The following FBXO16 variants were observed in gnomAD, a reference collection of about 807,000 sequenced individuals.
The protein encoded by FBXO16 is F-box protein 16, also known as F-box only protein 16.
FBXO16 carries 31 observed loss-of-function variants against 41.0 expected under a neutral mutation model. The observed-to-expected ratio is 0.76, with a 90% confidence interval of 0.57 to 1.02. The LOEUF is 1.02. FBXO16 is among the 50% of genes least tolerant of loss of function. FBXO16 has a pLI of 0.00. For synonymous variants in FBXO16, 133 were observed against 117.8 expected (o/e 1.13, Z -0.84); for missense variants, 361 against 346.2 (o/e 1.04, Z -0.34).
At chr8:28,489,724 A>G (rs1315894179) in intron 1 of FBXO16, among the ~76,000 whole-genome samples, 1 of 152,092 alleles carries the variant, frequency 6.6e-6, no homozygotes. Context: ...AACAAAAAAA[A>G]AAAAACCCTT....
At chr8:28,430,695 G>A (rs1235646251) in intron 7 of FBXO16, among the ~76,000 whole-genome samples, 1 of 152,208 alleles carries the variant, frequency 6.6e-6, no homozygotes, top group African/African-American at 2.4e-5. Context: ...TGAATGGCCA[G>A]GCGCAGTGGC....
In FBXO16 at chr8:28,450,465, T is replaced by C. The variant is rs193044949; in HGVS notation, c.740+1779A>G. On this transcript the variant is annotated intron_variant, in intron 6 of 8. Coordinates refer to ENST00000380254, the MANE Select transcript of FBXO16 (RefSeq NM_172366.4). ...TTAGACAAATTGGACTTCATCAAAATTGAAAACTTTTGTGCTCTAAAAGAT... is the reference window on the plus strand; with the variant it reads ...TTAGACAAATTGGACTTCATCAAAACTGAAAACTTTTGTGCTCTAAAAGAT... Among the ~76,000 whole-genome samples the C allele has an allele frequency of 4.6e-5, 7 of 152,290 alleles. No individual in the cohort carries two copies. The East Asian group carries it at 1.2e-3, about 25-fold the overall frequency.
At chr8:28,442,226 C>G (rs1055408297) in intron 7 of FBXO16, among the ~76,000 whole-genome samples, 1 of 152,024 alleles carries the variant, frequency 6.6e-6, no homozygotes, top group Non-Finnish European at 1.5e-5. Flanking sequence ...GCGTGAGCCA[C>G]TGTGCCCGGC....
intron 3 of FBXO16, among the ~76,000 whole-genome samples, chr8:28,471,051 TCA>T (rs1259920835): frequency 6.6e-6 from 1 of 152,174 alleles, no homozygotes; most frequent in Non-Finnish European, 1.5e-5. Context: ...GTGTTCTCTC[TCA>T]GTTTGGGAGG....
intron 4 of FBXO16, among the ~76,000 whole-genome samples, chr8:28,463,319 T>C (rs1431488326): frequency 3.3e-5 from 5 of 151,800 alleles, no homozygotes; most frequent in Non-Finnish European, 7.4e-5. Flanking sequence ...TGTGTGTGTA[T>C]ATGTGTATGT....
In FBXO16 at chr8:28,447,174, T is replaced by C; in HGVS notation, c.840A>G (p.Ser280=). The C allele has an allele frequency of 6.2e-7, 1 of 1,610,972 alleles. No individual in the cohort carries two copies. The highest frequency in any genetic ancestry group is 8.5e-7 in the Non-Finnish European group (1 of 1,177,994). Residue 280 remains serine, a synonymous_variant, in exon 7 of 9, where the codon TCA becomes TCG. Transcript: ENST00000380254. Reference sequence around the variant, plus strand: ...ATCTTTCATAAACAATACTTACCATTGATTGTGCTTTTCTTAGCCTAGTTC... The same window carrying C: ...ATCTTTCATAAACAATACTTACCATCGATTGTGCTTTTCTTAGCCTAGTTC... ...QDRTRLRKAQ[S]MMSRRNPFPL...
rs1802970566 is a variant in FBXO16 at position 28,452,453 on chromosome 8, T to G, written c.531A>C (p.Val177=). ...KPKTPPKDGF[V]IADVQLVTSN... is the part of the protein sequence containing the mutation. ...TTGTAACTAGTTGAACGTCAGCGAT[T>G]ACAAATCCATCCTTTGGGGGTGTCT... The change falls in exon 6 of 9, where the codon GTA becomes GTC. Residue 177 remains valine (V), a synonymous_variant. Coordinates refer to ENST00000380254, the MANE Select transcript of FBXO16 (RefSeq NM_172366.4). 1.2e-6 allele frequency: 2 copies of G among 1,614,076 alleles called. No homozygotes were observed. The highest frequency in any genetic ancestry group is 4.5e-5 in the East Asian group (2 of 44,890).
rs1395339978 is a variant in FBXO16 at position 28,452,363 on chromosome 8, CT to C, written c.620del (p.Lys207ArgfsTer29). ...GTGCTTTCTCCCCTGAGTTATTCTTCTTTCTTAAAGAGGAAGAGGACCGAAA... is the reference window on the plus strand; with the variant it reads ...GTGCTTTCTCCCCTGAGTTATTCTTCTTCTTAAAGAGGAAGAGGACCGAAA... Reference protein sequence around the residue: ...SAFRSSSSLRKKNNSGEKALP... With the variant: ...SAFRSSSSLRXKNNSGEKALP... On this transcript the variant is annotated frameshift_variant, in exon 6 of 9. Transcript: ENST00000380254. LOFTEE classifies it high-confidence loss of function. The C allele has an allele frequency of 6.2e-7, 1 of 1,613,996 alleles. No individual in the cohort carries two copies. Among genetic ancestry groups the C allele is most frequent in the Non-Finnish European group, 8.5e-7 (1 of 1,180,020 alleles).
intron 7 of FBXO16, among the ~76,000 whole-genome samples, chr8:28,440,718 A>G (rs1802758477): frequency 6.6e-6 from 1 of 152,154 alleles, no homozygotes; most frequent in Admixed American, 6.5e-5. Flanking sequence ...GATAAGGGCT[A>G]ATCTAAGGCA....
In FBXO16 at chr8:28,429,242, C is replaced by T. The variant is rs1173351112; in HGVS notation, c.869+136G>A. ...CTTTGATCCTCTCGCCTCTGCCTCCCAAAGTGCTGAGATTATCAGCGTGAG... is the reference window on the plus strand; with the variant it reads ...CTTTGATCCTCTCGCCTCTGCCTCCTAAAGTGCTGAGATTATCAGCGTGAG... On this transcript the variant is annotated intron_variant, in intron 8 of 8. Transcript: ENST00000380254. The T allele has an allele frequency of 4.3e-6, 4 of 940,478 alleles. No homozygotes were observed. In the East Asian group the frequency reaches 7.9e-5, roughly 19 times the overall value. The allele number at this position is 940,478 out of a possible 1,614,324, so 58.3% of individuals were successfully genotyped here. A position where few individuals can be genotyped will look rare whatever the true frequency, so the allele number is the denominator to read the frequency against.
chr8:28,464,089 AT>A (rs1449593174), intron 3 of FBXO16, among the ~76,000 whole-genome samples: 1 of 152,190 alleles, frequency 6.6e-6, no homozygotes, highest in Non-Finnish European at 1.5e-5. Flanking sequence ...AGCTGGCCAT[AT>A]TCACAAACTG....
chr8:28,441,853 T>C (rs1486963816), intron 7 of FBXO16, among the ~76,000 whole-genome samples: 1 of 148,776 alleles, frequency 6.7e-6, no homozygotes, highest in Non-Finnish European at 1.5e-5. Flanking sequence ...ATATATAATG[T>C]GTGTATATAT....
At chr8:28,475,002 G>A (rs1427764945) in intron 2 of FBXO16, among the ~76,000 whole-genome samples, 3 of 152,212 alleles carry the variant, frequency 2.0e-5, no homozygotes, top group African/African-American at 4.8e-5. Context: ...GAGAGGAAGA[G>A]AGAGTCATGA....
chr8:28,483,407 T>C lies in FBXO16; in HGVS notation c.40A>G (p.Lys14Glu). ...FAPPKNTDGP[K>E]MQTKMSTWTP... ...CAGGTGCTCATCTTTGTCTGCATTT[T>C]GGGACCATCTGTGTTTTTTGGAGGT... The change falls in exon 2 of 9, where the codon AAA (lysine) becomes GAA (glutamate). Residue 14 changes from lysine to glutamate, a missense_variant. Lys to Glu is a moderately conservative substitution (Grantham distance 56). Transcript: ENST00000380254. 4.3e-6 allele frequency: 7 copies of C among 1,614,202 alleles called. No individual in the cohort carries two copies. The highest frequency in any genetic ancestry group is 5.9e-6 in the Non-Finnish European group (7 of 1,180,034).
In FBXO16 at chr8:28,447,224, CAT is replaced by C. The variant is rs750411020; in HGVS notation, c.788_789del (p.His263ArgfsTer2). 1.2e-6 allele frequency: 2 copies of C among 1,613,796 alleles called. No individual in the cohort carries two copies. Among genetic ancestry groups the C allele is most frequent in the Admixed American group, 1.7e-5 (1 of 59,998 alleles). ...QMTPDFSRQS[H>X]DKKNKLQDRT... ...CTGTCCTGCAATTTATTTTTCTTAT[CAT>C]GTGACTGTCGGCTGAAGTCTGGGGT... On this transcript the variant is annotated frameshift_variant, in exon 7 of 9. Coordinates refer to ENST00000380254, the MANE Select transcript of FBXO16 (RefSeq NM_172366.4). LOFTEE classifies it high-confidence loss of function.
intron 3 of FBXO16, among the ~76,000 whole-genome samples, chr8:28,468,214 T>A (rs972246313): frequency 2.6e-4 from 39 of 152,338 alleles, no homozygotes; most frequent in African/African-American, 9.1e-4. Context: ...TATTCTAGCA[T>A]CATGTACGGT....
intron 7 of FBXO16, among the ~76,000 whole-genome samples, chr8:28,446,306 C>A (rs918231118): frequency 1.6e-4 from 24 of 150,726 alleles, no homozygotes; most frequent in African/African-American, 5.3e-4. Flanking sequence ...CTCCCCCGCA[C>A]CCGCCATAGG....
Position 28,463,754 on chromosome 8 carries a change from A to G in FBXO16, c.200T>C (p.Leu67Pro), listed in dbSNP as rs776932294. Residue 67 changes from leucine to proline, a missense_variant, in exon 4 of 9, where the codon CTG becomes CCG. Coordinates refer to ENST00000380254, the MANE Select transcript of FBXO16 (RefSeq NM_172366.4). ...TCGACAGCAGAACTTTTGCTGGGAC[A>G]GCGAGCAGCGCTCCAACAGGCCTGT... Reference protein sequence around the residue: ...ILTGLLERCSLSQQKFCCRKL... With the variant: ...ILTGLLERCSPSQQKFCCRKL... 11 of 1,614,168 alleles carry G rather than the reference A, an allele frequency of 6.8e-6. No homozygotes were observed. Among genetic ancestry groups the G allele is most frequent in the Non-Finnish European group, 9.3e-6 (11 of 1,179,994 alleles).
chr8:28,482,846 T>C (rs1408575217), intron 2 of FBXO16, among the ~76,000 whole-genome samples: 1 of 152,114 alleles, frequency 6.6e-6, no homozygotes, highest in African/African-American at 2.4e-5. Context: ...CCCAAAGTGC[T>C]GGGATTATAA....
Sources: gnomAD v4.1 joint callset for allele counts (sites outside exome capture counted in the v4.1 genomes callset) on GRCh38, gnomAD v4.1.1 for gene constraint, MANE v1.5 for transcripts, NCBI Gene and HGNC (gene_info 2026-07-23, HGNC 2026-07-21) for gene names.